Variants in GALK2 observed in about 807,000 individuals in gnomAD.
GALK2 encodes the protein galactokinase 2.
Under a neutral mutation model 52.4 loss-of-function variants are expected in GALK2, and 36 were observed. The ratio of observed to expected loss-of-function variants is 0.69; its 90% confidence interval spans 0.53 to 0.91. GALK2 has a LOEUF of 0.91. Ranked by LOEUF, GALK2 falls within the 40% of genes least tolerant of loss-of-function variation. The pLI, the probability that GALK2 is intolerant of heterozygous loss-of-function variation, is 0.00. For missense variants in GALK2, 579 were observed against 559.1 expected (o/e 1.04, Z -0.36); for synonymous variants, 176 against 199.1 (o/e 0.88, Z 0.98).
Position 49,329,578 on chromosome 15 carries a change from A to G in GALK2, c.*1419A>G. 2 of 983,552 alleles carry G rather than the reference A, an allele frequency of 2.0e-6. No homozygotes were observed. The highest frequency in any genetic ancestry group is 4.7e-5 in the South Asian group (1 of 21,252). The allele number at this position is 983,552 out of a possible 1,614,324, so 60.9% of individuals were successfully genotyped here. On this transcript the variant is annotated 3_prime_UTR_variant, in exon 10 of 10. Coordinates refer to ENST00000560031, the MANE Select transcript of GALK2 (RefSeq NM_002044.4). ...CATACATAGAATACTAGGAAAGCCAATATTCTATTTAAAAATAAACTTCTG... is the reference window on the plus strand; with the variant it reads ...CATACATAGAATACTAGGAAAGCCAGTATTCTATTTAAAAATAAACTTCTG...
intron 5 of GALK2, among the ~76,000 whole-genome samples, chr15:49,244,740 A>G (rs1384647570): frequency 1.3e-5 from 2 of 152,186 alleles, no homozygotes; most frequent in Non-Finnish European, 2.9e-5. Flanking sequence ...TATTTGTAGA[A>G]CATAAGGGGA....
At chr15:49,216,633 T>C (rs528966159) in intron 2 of GALK2, among the ~76,000 whole-genome samples, 1 of 152,364 alleles carries the variant, frequency 6.6e-6, no homozygotes, top group East Asian at 1.9e-4. Flanking sequence ...TTCTGGGCAC[T>C]AGGCCAGTTT....
At chr15:49,270,279 TTAC>T (rs1421361735) in intron 5 of GALK2, among the ~76,000 whole-genome samples, 1 of 152,214 alleles carries the variant, frequency 6.6e-6, no homozygotes, top group East Asian at 1.9e-4. Flanking sequence ...TTAATCTTAC[TTAC>T]TAAGATTCCT....
intron 5 of GALK2, among the ~76,000 whole-genome samples, chr15:49,260,528 C>T (rs1267506396): frequency 6.8e-6 from 1 of 146,894 alleles, no homozygotes; most frequent in East Asian, 2.0e-4. Context: ...CCTGTTCACT[C>T]TGATGGTAGT....
chr15:49,225,607 A>G (rs2090086928), intron 3 of GALK2, among the ~76,000 whole-genome samples: 1 of 152,166 alleles, frequency 6.6e-6, no homozygotes, highest in Non-Finnish European at 1.5e-5. Flanking sequence ...CTGTGCTAAA[A>G]AGGTTGGGGA....
chr15:49,235,697 G>C, intron 3 of GALK2, 154 bp from the exon 4 acceptor site: 1 of 760,770 alleles, frequency 1.3e-6, no homozygotes, highest in Non-Finnish European at 2.4e-6. Context: ...ACTCTTAGCA[G>C]CTGGAGATGT....
At chr15:49,319,904 C>T in intron 9 of GALK2, 99 bp downstream of exon 9, 2 of 1,009,616 alleles carry the variant, frequency 2.0e-6, no homozygotes, top group South Asian at 3.2e-5. Flanking sequence ...GAATGAAGAT[C>T]ATTCCCCACT....
intron 5 of GALK2, among the ~76,000 whole-genome samples, chr15:49,251,062 G>C (rs957378408): frequency 5.9e-5 from 9 of 152,104 alleles, no homozygotes; most frequent in Non-Finnish European, 1.3e-4. Flanking sequence ...GTATTATGAG[G>C]CCAGTAAAAC....
intron 5 of GALK2, among the ~76,000 whole-genome samples, chr15:49,260,298 T>C (rs2141619610): frequency 6.6e-6 from 1 of 152,314 alleles, no homozygotes; most frequent in South Asian, 2.1e-4. Context: ...TGGTATCTCA[T>C]TGTGGTTTTG....
At chr15:49,221,769 G>GTT (rs2089813981) in intron 3 of GALK2, among the ~76,000 whole-genome samples, 1 of 152,034 alleles carries the variant, frequency 6.6e-6, no homozygotes, top group South Asian at 2.1e-4. Context: ...ACTTGTGTCT[G>GTT]TTTTGATACC....
chr15:49,292,066 G>T (rs1466430214), intron 7 of GALK2, among the ~76,000 whole-genome samples: 2 of 152,044 alleles, frequency 1.3e-5, no homozygotes, highest in Non-Finnish European at 1.5e-5. Flanking sequence ...AAATCAGTGA[G>T]AGATTAGTTG....
intron 3 of GALK2, among the ~76,000 whole-genome samples, chr15:49,228,901 G>C (rs891168748): frequency 6.6e-6 from 1 of 151,062 alleles, no homozygotes; most frequent in Non-Finnish European, 1.5e-5. Flanking sequence ...CACCATGTTG[G>C]ATGGGCTGGT....
rs1388585321 is a variant in GALK2 at position 49,239,225 on chromosome 15, A to G, written c.362A>G (p.His121Arg). ...TGTTTTTCCTTATATTCTTAGGAAC[A>G]CTTTGGTCTTAGTAACCTGACTGGA... is the stretch of plus-strand genomic sequence containing the variant. ...FLCGLKGIQE[H>R]FGLSNLTGMN... Residue 121 changes from histidine (H) to arginine (R), a missense_variant, in exon 5 of 10, where the codon CAC (histidine) becomes CGC (arginine). Transcript: ENST00000560031. 2 of 1,613,844 alleles carry G rather than the reference A, an allele frequency of 1.2e-6. No individual in the cohort carries two copies. The highest frequency in any genetic ancestry group is 2.2e-5 in the East Asian group (1 of 44,866).
chr15:49,214,190 A>G (rs114757242), intron 2 of GALK2, among the ~76,000 whole-genome samples: 2,602 of 152,242 alleles, frequency 0.017, 94 homozygotes, highest in African/African-American at 0.06. Context: ...GGTTACTGTG[A>G]GGCTTGCAAA....
At chr15:49,155,822 C>G in exon 1 of GALK2, 2 of 732,722 alleles carry the variant, frequency 2.7e-6, no homozygotes, top group East Asian at 2.6e-5. Flanking sequence ...GGACATCGTC[C>G]GGTGCTGCAG....
chr15:49,236,765 C>T (rs993427199), intron 4 of GALK2, among the ~76,000 whole-genome samples: 1 of 152,160 alleles, frequency 6.6e-6, no homozygotes, highest in Non-Finnish European at 1.5e-5. Context: ...CAAACTGACC[C>T]ATGTTTTAGA....
chr15:49,230,670 C>T (rs1389383193), intron 3 of GALK2, among the ~76,000 whole-genome samples: 3 of 152,174 alleles, frequency 2.0e-5, no homozygotes, highest in African/African-American at 4.8e-5. Context: ...CAGACACACA[C>T]AGGTGTCTTA....
chr15:49,331,629 T>C lies in GALK2; in HGVS notation c.*3470T>C. The C allele has an allele frequency of 1.7e-6, 1 of 584,134 alleles. No individual in the cohort carries two copies. The highest frequency in any genetic ancestry group is 3.1e-6 in the Non-Finnish European group (1 of 327,658). The allele number at this position is 584,134 out of a possible 1,614,324, so 36.2% of individuals were successfully genotyped here. On this transcript the variant is annotated 3_prime_UTR_variant, in exon 10 of 10. Transcript: ENST00000560031. ...AATATGTAAAACAGATTTTCTTACATGTGCATGTAGATGATTAAGTAACAA... is the reference window on the plus strand; with the variant it reads ...AATATGTAAAACAGATTTTCTTACACGTGCATGTAGATGATTAAGTAACAA...
chr15:49,202,073 G>A (rs1189641303), intron 2 of GALK2, among the ~76,000 whole-genome samples: 2 of 151,950 alleles, frequency 1.3e-5, no homozygotes, highest in Non-Finnish European at 1.5e-5. Context: ...GTGCAGTCTC[G>A]GCTCACTGCA....
Sources: allele counts gnomAD v4.1 joint callset (sites outside exome capture counted in the v4.1 genomes callset), GRCh38; gene constraint gnomAD v4.1.1; transcripts MANE v1.5; gene names NCBI Gene and HGNC (gene_info 2026-07-23, HGNC 2026-07-21).